NAALADL2: variants seen among roughly 807,000 people sequenced by gnomAD.
NAALADL2 encodes N-acetylated alpha-linked acidic dipeptidase like 2, also known as inactive N-acetylated-alpha-linked acidic dipeptidase-like protein 2.
NAALADL2 carries 76 observed loss-of-function variants against 87.2 expected under a neutral mutation model. That is an observed-to-expected ratio of 0.87 (90% CI 0.72 to 1.05). The LOEUF (loss-of-function observed/expected upper bound fraction) is 1.05, where lower values mean the gene tolerates loss of function less well. Ranked by LOEUF, NAALADL2 falls within the 50% of genes least tolerant of loss-of-function variation. NAALADL2 has a pLI of 0.00. For synonymous variants in NAALADL2, 354 were observed against 331.0 expected (o/e 1.07, Z -0.75); for missense variants, 1,089 against 945.8 (o/e 1.15, Z -1.99).
chr3:174,618,067 C>A (rs1560096651), intron 2 of NAALADL2, among the ~76,000 whole-genome samples: 2 of 151,776 alleles, frequency 1.3e-5, no homozygotes, highest in East Asian at 3.9e-4. Context: ...CCAGAGCTGA[C>A]TATCTAAAGA....
chr3:175,247,841 G>A (rs2109722767), intron 3 of NAALADL2, among the ~76,000 whole-genome samples: 1 of 152,222 alleles, frequency 6.6e-6, no homozygotes, highest in South Asian at 2.1e-4. Flanking sequence ...GATTATGTAG[G>A]GCATAACAGG....
chr3:174,880,022 G>T (rs1729001346), intron 1 of NAALADL2, among the ~76,000 whole-genome samples: 1 of 151,892 alleles, frequency 6.6e-6, no homozygotes, highest in African/African-American at 2.4e-5. Context: ...AATCTCCTTT[G>T]CTGTTTTACC....
chr3:175,454,629 T>C (rs1288650997), intron 6 of NAALADL2, among the ~76,000 whole-genome samples: 1 of 152,122 alleles, frequency 6.6e-6, no homozygotes, highest in Non-Finnish European at 1.5e-5. Flanking sequence ...TTTATTTACC[T>C]GGGTTCCCAT....
At chr3:175,251,661 G>GA (rs995686777) in intron 3 of NAALADL2, among the ~76,000 whole-genome samples, 13 of 152,196 alleles carry the variant, frequency 8.5e-5, no homozygotes, top group African/African-American at 3.1e-4. Context: ...AGAATATGTG[G>GA]AAAAAATGAC....
In NAALADL2 at chr3:174,847,484, A is replaced by G. The variant is rs1356653841; in HGVS notation, c.-9+109738A>G. Among the ~76,000 whole-genome samples the G allele has an allele frequency of 2.0e-5, 3 of 152,196 alleles. No homozygotes were observed. In the East Asian group the frequency reaches 5.8e-4, roughly 29 times the overall value. On this transcript the variant is annotated intron_variant, in intron 3 of 3. Transcript: ENST00000434257. ...GAAATAAACTTTTAAAAAATAGGCT[A>G]AACTCAGAAAATTTTATGTGCCATT...
intron 9 of NAALADL2, among the ~76,000 whole-genome samples, chr3:175,565,827 C>CCA (rs1385745075): frequency 1.5e-5 from 2 of 136,426 alleles, no homozygotes; most frequent in Admixed American, 7.7e-5. Flanking sequence ...AAAGCCCCCC[C>CCA]CCTTTTTTTT....
At chr3:174,755,266 C>G (rs747154216) in intron 3 of NAALADL2, among the ~76,000 whole-genome samples, 93 of 152,250 alleles carry the variant, frequency 6.1e-4, no homozygotes, top group African/African-American at 2.2e-3. Context: ...GCCTCGTCAG[C>G]CATGCTGAGC....
intron 2 of NAALADL2, among the ~76,000 whole-genome samples, chr3:174,613,704 A>G (rs1361849718): frequency 6.6e-6 from 1 of 152,186 alleles, no homozygotes; most frequent in Non-Finnish European, 1.5e-5. Context: ...GGTCCAGGGC[A>G]GGTTCCCAAA....
chr3:174,753,448 G>A (rs114684885), intron 3 of NAALADL2, among the ~76,000 whole-genome samples: 2,311 of 152,248 alleles, frequency 0.015, 22 homozygotes, highest in Non-Finnish European at 0.023. Context: ...AGTTTTGAAC[G>A]TCCTTACTCT....
intron 1 of NAALADL2, among the ~76,000 whole-genome samples, chr3:174,957,889 A>G (rs1579722071): frequency 6.6e-6 from 1 of 152,084 alleles, no homozygotes; most frequent in African/African-American, 2.4e-5. Flanking sequence ...TGTCTAATTA[A>G]TTCCTGCCTC....
At chr3:174,702,093 C>A (rs73048103) in intron 2 of NAALADL2, among the ~76,000 whole-genome samples, 1 of 152,104 alleles carries the variant, frequency 6.6e-6, no homozygotes, top group African/African-American at 2.4e-5. Flanking sequence ...TGGTATAGGC[C>A]GTCTTTTTAA....
chr3:174,596,889 T>C (rs1360082565), intron 2 of NAALADL2, among the ~76,000 whole-genome samples: 2 of 152,210 alleles, frequency 1.3e-5, no homozygotes, highest in Non-Finnish European at 2.9e-5. Flanking sequence ...GAGGTGAAAT[T>C]TGAATCCTGA....
rs113806607 is a variant in NAALADL2, at chr3:175,343,655, G to GTTT, written c.1090+19349_1090+19351dup. 5.9e-3 allele frequency among the ~76,000 whole-genome samples: 380 copies of GTTT among 64,690 alleles called. 46 individuals are homozygous for GTTT. Among genetic ancestry groups the GTTT allele is most frequent in the Non-Finnish European group, 8.5e-3 (257 of 30,110 alleles). The allele number at this position is 64,690 out of a possible 152,430, so 42.4% of individuals were successfully genotyped here. On this transcript the variant is annotated intron_variant, in intron 5 of 13. Coordinates refer to ENST00000454872, the MANE Select transcript of NAALADL2 (RefSeq NM_207015.3). ...TGGAGTTCCTGTGTGTCTTGATCAT[G>GTTT]TTTTTTTTTTTTTTTTTTTTTCCCT...
At chr3:175,296,439 T>A (rs4894711) in intron 4 of NAALADL2, among the ~76,000 whole-genome samples, 26,677 of 152,116 alleles carry the variant, frequency 0.18, 2,522 homozygotes, top group African/African-American at 0.24. Context: ...AATAAGATGA[T>A]CTTAGGCATG....
intron 1 of NAALADL2, among the ~76,000 whole-genome samples, chr3:174,920,773 T>A (rs550233839): frequency 6.6e-6 from 1 of 152,222 alleles, no homozygotes; most frequent in Non-Finnish European, 1.5e-5. Context: ...TCACTAAGTT[T>A]AATCATCTGT....
chr3:175,082,559 G>A (rs1470883323), intron 1 of NAALADL2, among the ~76,000 whole-genome samples: 1 of 152,094 alleles, frequency 6.6e-6, no homozygotes, highest in Non-Finnish European at 1.5e-5. Flanking sequence ...AGGCAGACAG[G>A]GAGAAGCACT....
At chr3:174,750,400 A>ATTCTTCTTC (rs147238623) in intron 3 of NAALADL2, among the ~76,000 whole-genome samples, 6 of 151,292 alleles carry the variant, frequency 4.0e-5, no homozygotes, top group African/African-American at 1.2e-4. Flanking sequence ...TTTCATTTCC[A>ATTCTTCTTC]TTCTTCTTCT....
intron 2 of NAALADL2, among the ~76,000 whole-genome samples, chr3:175,156,483 CTA>C (rs752232469): frequency 1.3e-5 from 2 of 152,122 alleles, no homozygotes; most frequent in East Asian, 1.9e-4. Context: ...TATTTGAACA[CTA>C]TGTTGAAATA....
intron 9 of NAALADL2, among the ~76,000 whole-genome samples, chr3:175,552,216 G>T (rs1327898305): frequency 6.6e-6 from 1 of 152,066 alleles, no homozygotes; most frequent in Admixed American, 6.5e-5. Flanking sequence ...GTTAAGTAGT[G>T]ATATGCAGTC....
Sources: gnomAD v4.1 joint callset for allele counts (sites outside exome capture counted in the v4.1 genomes callset) on GRCh38, gnomAD v4.1.1 for gene constraint, MANE v1.5 for transcripts, NCBI Gene and HGNC (gene_info 2026-07-23, HGNC 2026-07-21) for gene names.